Variants in PCDHGC3 observed in about 807,000 individuals in gnomAD.
The protein encoded by PCDHGC3 is protocadherin gamma-C3.
A neutral mutation model predicts 59.2 loss-of-function variants in PCDHGC3; 26 were observed. The observed-to-expected ratio is 0.44, with a 90% confidence interval of 0.32 to 0.61. The LOEUF (loss-of-function observed/expected upper bound fraction) is 0.61, where lower values mean the gene tolerates loss of function less well. PCDHGC3 is among the 20% of genes least tolerant of loss of function. The pLI is 0.05. For missense variants in PCDHGC3, 1,080 were observed against 1,221.8 expected (o/e 0.88, Z 1.73); for synonymous variants, 487 against 519.7 (o/e 0.94, Z 0.86).
chr5:141,503,912 AAC>A lies in PCDHGC3; in HGVS notation c.2490-1471_2490-1470del, dbSNP rs34419983. Among the ~76,000 whole-genome samples, 284 of 152,278 alleles carry A rather than the reference AAC, an allele frequency of 1.9e-3. 1 individual carries two copies. The highest frequency in any genetic ancestry group is 0.014 in the Middle Eastern group (4 of 292). Reference sequence around the variant, plus strand: ...GACAAAATATGCACACACACAACGCAACACACACACAGACATTTTCATGCCTT... The same window carrying A: ...GACAAAATATGCACACACACAACGCAACACACACAGACATTTTCATGCCTT... On this transcript the variant is annotated intron_variant, in intron 2 of 3. Coordinates refer to ENST00000308177, the MANE Select transcript of PCDHGC3 (RefSeq NM_002588.4).
rs142172414 is a variant in PCDHGC3, at chr5:141,477,145, G to A, written c.1029G>A (p.Val343=). The change falls in exon 1 of 4, where the codon GTG becomes GTA. Residue 343 remains valine (V), a synonymous_variant. Coordinates refer to ENST00000308177, the MANE Select transcript of PCDHGC3 (RefSeq NM_002588.4). The surrounding 1 kb of genome is among the most constrained non-coding windows in gnomAD (Gnocchi z 4.9). ...ATTGCAAAGTGTTGGTGGAGGTTGT[G>A]GATGTGAATGACAACGCCCCGGAGA... ...GAHCKVLVEV[V]DVNDNAPEIT... The A allele has an allele frequency of 3.7e-6, 6 of 1,614,054 alleles. No homozygotes were observed. The African/African-American group carries it at 8.0e-5, about 22-fold the overall frequency.
At chr5:141,509,968 C>A (rs1450809995) in intron 3 of PCDHGC3, among the ~76,000 whole-genome samples, 1 of 152,166 alleles carries the variant, frequency 6.6e-6, no homozygotes, top group Non-Finnish European at 1.5e-5. Context: ...TGGCCTTGGT[C>A]CTTCTAACAC....
chr5:141,485,886 A>G lies in PCDHGC3; in HGVS notation c.2430+7340A>G. 1.9e-6 allele frequency: 3 copies of G among 1,614,132 alleles called. No individual in the cohort carries two copies. Among genetic ancestry groups the G allele is most frequent in the Non-Finnish European group, 2.5e-6 (3 of 1,180,016 alleles). On this transcript the variant is annotated intron_variant, in intron 1 of 3. Transcript: ENST00000308177. This position sits in a 1 kb window ranked among gnomAD's most constrained non-coding sequence, Gnocchi z 5.7. ...GTATCCGTGCTGGACGTAAACGACAACGCCCCAGCCTTCCAGCAATCCAGC... is the reference window on the plus strand; with the variant it reads ...GTATCCGTGCTGGACGTAAACGACAGCGCCCCAGCCTTCCAGCAATCCAGC...
Position 141,476,559 on chromosome 5 carries a change from T to C in PCDHGC3, c.443T>C (p.Val148Ala). ...QEMKLEISEA[V>A]APGTRFPLES... The stretch of plus-strand genomic sequence containing the variant: ...ATGAAATTGGAGATTAGCGAGGCCG[T>C]GGCTCCGGGGACGCGCTTTCCGCTC... The change falls in exon 1 of 4, where the codon GTG (valine) becomes GCG (alanine). Residue 148 changes from valine (V) to alanine (A), a missense_variant. Val to Ala is a moderately conservative substitution (Grantham distance 64). Coordinates refer to ENST00000308177, the MANE Select transcript of PCDHGC3 (RefSeq NM_002588.4). This position sits in a 1 kb window ranked among gnomAD's most constrained non-coding sequence, Gnocchi z 7.6. 4 of 1,614,228 alleles carry C rather than the reference T, an allele frequency of 2.5e-6. No homozygotes were observed. Among genetic ancestry groups the C allele is most frequent in the Non-Finnish European group, 3.4e-6 (4 of 1,180,036 alleles).
At chr5:141,482,841 G>A (rs1401298303) in intron 1 of PCDHGC3, among the ~76,000 whole-genome samples, 1 of 139,444 alleles carries the variant, frequency 7.2e-6, no homozygotes, top group Non-Finnish European at 1.5e-5. Flanking sequence ...GGAGGCCAAG[G>A]TGGGCAGATC....
Position 141,511,908 on chromosome 5 carries a change from A to T in PCDHGC3, c.*735A>T, listed in dbSNP as rs528200582. The T allele has an allele frequency of 4.5e-5, 7 of 156,536 alleles. No homozygotes were observed. The highest frequency in any genetic ancestry group is 1.9e-4 in the East Asian group (1 of 5,250). The allele number at this position is 156,536 out of a possible 1,614,324, so 9.7% of individuals were successfully genotyped here. A position where few individuals can be genotyped will look rare whatever the true frequency, so the allele number is the denominator to read the frequency against. On this transcript the variant is annotated 3_prime_UTR_variant, in exon 4 of 4. Transcript: ENST00000308177. ...GACTTCCCCCACCTCCTCCTCAAAC[A>T]AGAGACTCCACTGCATGTTCCAAGA...
Position 141,491,680 on chromosome 5 carries a change from A to G in PCDHGC3, c.2431-3127A>G. The G allele has an allele frequency of 6.2e-7, 1 of 1,613,304 alleles. No individual in the cohort carries two copies. The highest frequency in any genetic ancestry group is 2.2e-5 in the East Asian group (1 of 44,820). ...TGACGCCATCCGGTCCCGCTCTAATACGCTGCGGGAGCGGAGCCAGGTGAG... is the reference window on the plus strand; with the variant it reads ...TGACGCCATCCGGTCCCGCTCTAATGCGCTGCGGGAGCGGAGCCAGGTGAG... On this transcript the variant is annotated intron_variant, in intron 1 of 3. Transcript: ENST00000308177. The surrounding 1 kb of genome is among the most constrained non-coding windows in gnomAD (Gnocchi z 6.9).
chr5:141,486,869 C>G lies in PCDHGC3; in HGVS notation c.2431-7938C>G. On this transcript the variant is annotated intron_variant, in intron 1 of 3. Transcript: ENST00000308177. This position sits in a 1 kb window ranked among gnomAD's most constrained non-coding sequence, Gnocchi z 5.0. ...CCTCAATGACAATGCTCCAGCTGTG[C>G]TCCGTCCTCGGGCCCGGCCTGGTTC... The G allele has an allele frequency of 6.2e-7, 1 of 1,614,246 alleles. No homozygotes were observed. The highest frequency in any genetic ancestry group is 8.5e-7 in the Non-Finnish European group (1 of 1,180,042).
At position 141,478,514 on chromosome 5, in the gene PCDHGC3, G is replaced by A; in HGVS notation, c.2398G>A (p.Val800Met). ...CTGTGATCCGGTGTTCTATAGGCAG[G>A]TGTTGGGTGCAGAGAGCGCCCCTCC... is the stretch of plus-strand genomic sequence containing the variant. ...RSCDPVFYRQ[V>M]LGAESAPPGQ... The change falls in exon 1 of 4, where the codon GTG becomes ATG. Residue 800 changes from valine to methionine, a missense_variant. Physicochemically the swap from Val to Met is conservative, Grantham distance 21. Transcript: ENST00000308177. 1.2e-6 allele frequency: 2 copies of A among 1,611,534 alleles called. No homozygotes were observed. The highest frequency in any genetic ancestry group is 1.7e-6 in the Non-Finnish European group (2 of 1,178,774).
chr5:141,503,773 C>A (rs961986223), intron 2 of PCDHGC3, among the ~76,000 whole-genome samples: 1 of 152,204 alleles, frequency 6.6e-6, no homozygotes. Context: ...TGTGTCTGTT[C>A]TTAGGCTGAG....
At chr5:141,497,464 T>C (rs1277760390) in intron 2 of PCDHGC3, among the ~76,000 whole-genome samples, 1 of 151,764 alleles carries the variant, frequency 6.6e-6, no homozygotes, top group Admixed American at 6.6e-5. Context: ...CTTGGAGATA[T>C]GGAGGAGAAG....
Position 141,502,395 on chromosome 5 carries a change from G to A in PCDHGC3, c.2490-2998G>A, listed in dbSNP as rs115188718. The stretch of plus-strand genomic sequence containing the variant: ...GTCCAGGCCAGTTGTACTTTAAAAT[G>A]TCCCCGAACCTGGATTTGCTGGCTA... On this transcript the variant is annotated intron_variant, in intron 2 of 3. Transcript: ENST00000308177. Among the ~76,000 whole-genome samples, 610 of 151,894 alleles carry A rather than the reference G, an allele frequency of 4.0e-3. 3 individuals carry two copies. Among genetic ancestry groups the A allele is most frequent in the African/African-American group, 0.013 (553 of 41,410 alleles).
chr5:141,511,144 A>C lies in PCDHGC3; in HGVS notation c.2776A>C (p.Lys926Gln). 2 of 1,614,202 alleles carry C rather than the reference A, an allele frequency of 1.2e-6. No homozygotes were observed. The highest frequency in any genetic ancestry group is 1.7e-6 in the Non-Finnish European group (2 of 1,180,016). The change falls in exon 4 of 4, where the codon AAG becomes CAG. Residue 926 changes from lysine to glutamine, a missense_variant. By Grantham distance (53) the Lys-to-Gln change is moderately conservative. Transcript: ENST00000308177. Reference sequence around the variant, plus strand: ...CCCAGCAGGTGGCAATGGCAACAAGAAGAAGTCGGGCAAGAAGGAGAAGAA... The same window carrying C: ...CCCAGCAGGTGGCAATGGCAACAAGCAGAAGTCGGGCAAGAAGGAGAAGAA... ...KAPAGGNGNK[K>Q]KSGKKEKK
At chr5:141,508,906 G>A (rs2099872897) in intron 3 of PCDHGC3, among the ~76,000 whole-genome samples, 1 of 152,092 alleles carries the variant, frequency 6.6e-6, no homozygotes, top group Non-Finnish European at 1.5e-5. Context: ...CGGGGCGGTG[G>A]CGGATCTGGC....
At position 141,486,055 on chromosome 5, in the gene PCDHGC3, C is replaced by T; in HGVS notation, c.2430+7509C>T. 6.2e-7 allele frequency: 1 copy of T among 1,614,170 alleles called. No individual in the cohort carries two copies. ...CTGATCGTGTAAGAAACCTCTTTAG[C>T]CTGCACCCCACTACTGGAAAGCTTA... On this transcript the variant is annotated intron_variant, in intron 1 of 3. Transcript: ENST00000308177. The surrounding 1 kb of genome is among the most constrained non-coding windows in gnomAD (Gnocchi z 5.0).
At position 141,490,688 on chromosome 5, in the gene PCDHGC3, C is replaced by A; in HGVS notation, c.2431-4119C>A. ...ACTGTGGCTGCCTCAGATCCAGACA[C>A]TGGGGATAATGCCCGCCTCACCTAC... On this transcript the variant is annotated intron_variant, in intron 1 of 3. Coordinates refer to ENST00000308177, the MANE Select transcript of PCDHGC3 (RefSeq NM_002588.4). The surrounding 1 kb of genome is among the most constrained non-coding windows in gnomAD (Gnocchi z 5.4). The A allele has an allele frequency of 6.2e-7, 1 of 1,614,218 alleles. No individual in the cohort carries two copies. The highest frequency in any genetic ancestry group is 8.5e-7 in the Non-Finnish European group (1 of 1,180,032).
At chr5:141,479,937 C>G (rs1322238189) in intron 1 of PCDHGC3, among the ~76,000 whole-genome samples, 1 of 152,212 alleles carries the variant, frequency 6.6e-6, no homozygotes, top group African/African-American at 2.4e-5. Context: ...TCATTGCTAT[C>G]AACTCTTGGA....
At chr5:141,507,611 A>G (rs2099862056) in intron 3 of PCDHGC3, among the ~76,000 whole-genome samples, 1 of 152,258 alleles carries the variant, frequency 6.6e-6, no homozygotes, top group South Asian at 2.1e-4. Flanking sequence ...AAACAGGTAT[A>G]TTTAGCTGTT....
At chr5:141,510,862 C>T (rs764422869) in intron 3 of PCDHGC3, 85 bp from the exon 4 acceptor site, 22 of 1,606,772 alleles carry the variant, frequency 1.4e-5, no homozygotes, top group Non-Finnish European at 1.7e-5. Flanking sequence ...GCTGTATAGG[C>T]ATTCATTAAC....
Sources: allele counts gnomAD v4.1 joint callset (sites outside exome capture counted in the v4.1 genomes callset), GRCh38; gene constraint gnomAD v4.1.1; non-coding constraint Gnocchi (gnomAD v3.1); transcripts MANE v1.5; gene names NCBI Gene and HGNC (gene_info 2026-07-23, HGNC 2026-07-21).